The following TMTC4 variants were observed in gnomAD, a reference collection of about 807,000 sequenced individuals.
TMTC4 encodes the protein transmembrane O-mannosyltransferase targeting cadherins 4.
A neutral mutation model predicts 86.0 loss-of-function variants in TMTC4; 65 were observed. The ratio of observed to expected loss-of-function variants is 0.76; its 90% CI spans 0.62 to 0.93. The LOEUF (loss-of-function observed/expected upper bound fraction) is 0.93. Ranked by LOEUF, TMTC4 falls within the 40% of genes least tolerant of loss-of-function variation. The pLI, the probability that TMTC4 is intolerant of heterozygous loss-of-function variation, is 0.00. For missense variants in TMTC4, 866 were observed against 948.1 expected (o/e 0.91, Z 1.14); for synonymous variants, 379 against 382.5 (o/e 0.99, Z 0.11).
At chr13:100,665,468 G>A (rs1886279036) in intron 3 of TMTC4, among the ~76,000 whole-genome samples, 1 of 152,206 alleles carries the variant, frequency 6.6e-6, no homozygotes, top group South Asian at 2.1e-4. Flanking sequence ...CCTGTGGCCT[G>A]GAAAGCCAGG....
intron 4 of TMTC4, 64 bp from the exon 5 acceptor site, chr13:100,663,244 C>A: frequency 6.9e-7 from 1 of 1,441,586 alleles, no homozygotes; most frequent in Admixed American, 1.7e-5. Context: ...TGGCAAAGGT[C>A]TGGAGGAGAA....
At chr13:100,636,407 A>G in intron 10 of TMTC4, 125 bp downstream of exon 10, 4 of 1,138,568 alleles carry the variant, frequency 3.5e-6, no homozygotes, top group Non-Finnish European at 5.0e-6. Context: ...AGCCATAAAT[A>G]TGCATTTGAA....
At chr13:100,670,605 A>C in intron 1 of TMTC4, 36 bp from the exon 2 acceptor site, 2 of 451,982 alleles carry the variant, frequency 4.4e-6, no homozygotes, top group Non-Finnish European at 7.7e-6. Context: ...ACAGACCCCA[A>C]CCTCTATGCT....
chr13:100,656,408 G>A lies in TMTC4; in HGVS notation c.613C>T (p.Leu205Phe), dbSNP rs566277011. ...TCTCTAAATGCTTTACAGTAGCCAAGGAAAGATAACAAGAAGAACAGGGCA... is the reference window on the plus strand; with the variant it reads ...TCTCTAAATGCTTTACAGTAGCCAAAGAAAGATAACAAGAAGAACAGGGCA... ...LCALFFLLSF[L>F]GYCKAFRESN... The change falls in exon 6 of 19, where the codon CTT (leucine) becomes TTT (phenylalanine). Residue 205 changes from leucine to phenylalanine, a missense_variant. Coordinates refer to ENST00000342624, the MANE Select transcript of TMTC4 (RefSeq NM_032813.5). 3 of 1,613,132 alleles carry A rather than the reference G, an allele frequency of 1.9e-6. No homozygotes were observed. The South Asian group carries it at 3.3e-5, about 18-fold the overall frequency.
At chr13:100,630,949 G>C (rs1678234307) in intron 12 of TMTC4, among the ~76,000 whole-genome samples, 1 of 152,228 alleles carries the variant, frequency 6.6e-6, no homozygotes, top group South Asian at 2.1e-4. Context: ...CTAGAGGCCA[G>C]CTTTATCCTA....
chr13:100,638,160 TA>T (rs1037635735), intron 7 of TMTC4, 138 bp from the exon 8 acceptor site: 9 of 600,718 alleles, frequency 1.5e-5, no homozygotes, highest in Non-Finnish European at 2.3e-5. Flanking sequence ...TGCAGCTCTT[TA>T]AAAAAACACA....
chr13:100,665,054 G>A (rs1478217563), intron 3 of TMTC4, among the ~76,000 whole-genome samples: 1 of 151,936 alleles, frequency 6.6e-6, no homozygotes, highest in African/African-American at 2.4e-5. Context: ...CATGAGCTAA[G>A]CAGACTATGA....
chr13:100,621,791 G>T (rs1282090035), intron 15 of TMTC4, among the ~76,000 whole-genome samples: 5 of 152,192 alleles, frequency 3.3e-5, no homozygotes, highest in Non-Finnish European at 7.3e-5. Flanking sequence ...AACAGATACA[G>T]TGAACAGAAA....
At chr13:100,622,645 C>T (rs949602662) in intron 15 of TMTC4, among the ~76,000 whole-genome samples, 2 of 152,156 alleles carry the variant, frequency 1.3e-5, no homozygotes, top group African/African-American at 4.8e-5. Flanking sequence ...GAGGCCTCCC[C>T]AGCCACATGG....
chr13:100,665,958 T>A (rs1377740185), intron 3 of TMTC4: 2 of 454,062 alleles, frequency 4.4e-6, no homozygotes, highest in Admixed American at 4.8e-5. Flanking sequence ...GTGACAAGCC[T>A]GGAAGCCTAC....
At chr13:100,671,306 C>T (rs1887071115) in intron 1 of TMTC4, among the ~76,000 whole-genome samples, 1 of 152,096 alleles carries the variant, frequency 6.6e-6, no homozygotes, top group Non-Finnish European at 1.5e-5. Flanking sequence ...ATATTATCTG[C>T]TTCAGGCTCA....
chr13:100,628,665 T>C (rs1162612649), intron 12 of TMTC4, among the ~76,000 whole-genome samples: 1 of 152,036 alleles, frequency 6.6e-6, no homozygotes, highest in African/African-American at 2.4e-5. Flanking sequence ...GTAGGCTGGA[T>C]AGAATGGGGC....
chr13:100,631,528 T>A (rs774788149), intron 12 of TMTC4, among the ~76,000 whole-genome samples: 1 of 152,200 alleles, frequency 6.6e-6, no homozygotes, highest in Non-Finnish European at 1.5e-5. Context: ...GTAGTCTCAG[T>A]GAATTCAACT....
intron 6 of TMTC4, among the ~76,000 whole-genome samples, chr13:100,644,599 A>T (rs1883473133): frequency 6.6e-6 from 1 of 152,232 alleles, no homozygotes; most frequent in Admixed American, 6.5e-5. Context: ...AGTCTCCAGC[A>T]GCAGCAGAAA....
At chr13:100,627,213 C>G (rs1054864875) in intron 12 of TMTC4, among the ~76,000 whole-genome samples, 9 of 152,152 alleles carry the variant, frequency 5.9e-5, no homozygotes, top group Non-Finnish European at 1.2e-4. Flanking sequence ...GGTTGGAGAG[C>G]CCGGGAGGAG....
In TMTC4 at chr13:100,612,393, C is replaced by T. The variant is rs200833323; in HGVS notation, c.2064+5G>A. The T allele has an allele frequency of 5.6e-6, 9 of 1,601,378 alleles. No homozygotes were observed. Among genetic ancestry groups the T allele is most frequent in the East Asian group, 4.5e-5 (2 of 44,326 alleles). On this transcript the variant is annotated splice_donor_5th_base_variant and intron_variant, in intron 17 of 18. Transcript: ENST00000342624. ...GCAAGAACTCACAGCCTGCGGTTTA[C>T]GCACCTTGTATTTCTGGGATTTCCC... is the stretch of plus-strand genomic sequence containing the variant.
chr13:100,656,276 T>G lies in TMTC4; in HGVS notation c.640+105A>C, dbSNP rs953417706. 76 of 915,720 alleles carry G rather than the reference T, an allele frequency of 8.3e-5. 3 individuals are homozygous for G. The highest frequency in any genetic ancestry group is 4.7e-4 in the East Asian group (18 of 38,494). The allele number at this position is 915,720 out of a possible 1,614,324, so 56.7% of individuals were successfully genotyped here. On this transcript the variant is annotated intron_variant, in intron 6 of 18. Transcript: ENST00000342624. ...TCCTCTGGCCCAGATCCCCTCAGAG[T>G]GACACACTCACATAGATGGATTCTT...
At chr13:100,609,142 G>A (rs754148904) in intron 17 of TMTC4, among the ~76,000 whole-genome samples, 2 of 152,076 alleles carry the variant, frequency 1.3e-5, no homozygotes, top group Non-Finnish European at 2.9e-5. Flanking sequence ...ATTGCATTGG[G>A]GCTGAAGTCT....
rs541741165 is a variant in TMTC4, at chr13:100,618,803, G to T, written c.1837-4373C>A. ...ACATGTTTCAGAGAGCACAGGGTTG[G>T]GGGTAAGGTCACCGATTAGCAGGAT... On this transcript the variant is annotated intron_variant, in intron 15 of 18. Coordinates refer to ENST00000342624, the MANE Select transcript of TMTC4 (RefSeq NM_032813.5). Among the ~76,000 whole-genome samples the T allele has an allele frequency of 6.3e-4, 96 of 152,292 alleles. 3 individuals are homozygous for T. The South Asian group carries it at 0.017, about 27-fold the overall frequency.
Sources: allele counts gnomAD v4.1 joint callset (sites outside exome capture counted in the v4.1 genomes callset), GRCh38; gene constraint gnomAD v4.1.1; transcripts MANE v1.5; gene names NCBI Gene and HGNC (gene_info 2026-07-23, HGNC 2026-07-21).